Variants in APOB observed in about 807,000 individuals in gnomAD.
APOB encodes the protein apolipoprotein B-100.
A neutral mutation model predicts 314.1 loss-of-function variants in APOB; 153 were observed. The observed-to-expected ratio is 0.49, with a 90% CI of 0.43 to 0.56. The LOEUF (loss-of-function observed/expected upper bound fraction) is 0.56. Among genes scored for constraint, APOB ranks in the 20% least tolerant of loss-of-function variants. APOB has a pLI of 0.00. For synonymous variants in APOB, 2,087 were observed against 2,036.4 expected (o/e 1.02, Z -0.67); for missense variants, 5,430 against 5,350.7 (o/e 1.01, Z -0.46).
rs747371662 is a variant in APOB at position 21,007,464 on chromosome 2, A to T, written c.9404T>A (p.Met3135Lys). ...FLNIPLTIPE[M>K]RLPYTIITTP... ...TGTGATTATTGTGTAAGGTAGACGC[A>T]TTTCAGGAATTGTTAAAGGAATGTT... Residue 3135 changes from methionine to lysine, a missense_variant, in exon 26 of 29, where the codon ATG becomes AAG. Met to Lys is a moderately conservative substitution (Grantham distance 95). Around this residue, in one of 3 missense-constraint regions of APOB, gnomAD observed 3,281 missense variants for 3,171.0 expected, o/e 1.03. Transcript: ENST00000233242. 6.2e-7 allele frequency: 1 copy of T among 1,614,110 alleles called. No homozygotes were observed. The highest frequency in any genetic ancestry group is 1.1e-5 in the South Asian group (1 of 91,084).
rs745363709 is a variant in APOB, at chr2:21,009,968, T to C, written c.6900A>G (p.Gln2300=). The part of the protein sequence containing the change: ...EAIDVRVLLD[Q]LGTTISFERI... ...TTTCAAATGAAATTGTAGTTCCCAA[T>C]TGATCTAAAAGCACTCTAACATCAA... Residue 2300 remains glutamine, a synonymous_variant, in exon 26 of 29, where the codon CAA becomes CAG. Transcript: ENST00000233242. The C allele has an allele frequency of 4.8e-5, 77 of 1,613,718 alleles. No individual in the cohort carries two copies. The highest frequency in any genetic ancestry group is 6.0e-5 in the Non-Finnish European group (71 of 1,179,902).
rs1389515931 is a variant in APOB at position 21,005,718 on chromosome 2, T to C, written c.11150A>G (p.Tyr3717Cys). 1 of 1,613,854 alleles carries C rather than the reference T, an allele frequency of 6.2e-7. No individual in the cohort carries two copies. Among genetic ancestry groups the C allele is most frequent in the African/African-American group, 1.3e-5 (1 of 74,924 alleles). Reference protein sequence around the residue: ...AFVYTKNPNGYSFSIPVKVLA... With the variant: ...AFVYTKNPNGCSFSIPVKVLA... ...AACTTTTACAGGGATGGAGAATGAA[T>C]AGCCATTGGGGTTTTTGGTGTACAC... Residue 3717 changes from tyrosine to cysteine, a missense_variant, in exon 26 of 29, where the codon TAT becomes TGT. This residue lies in a region of APOB where 3,281 missense variants were observed against 3,171.0 expected (regional missense o/e 1.03). Coordinates refer to ENST00000233242, the MANE Select transcript of APOB (RefSeq NM_000384.3).
rs919890372 is a variant in APOB, at chr2:21,017,534, A to G, written c.3122-885T>C. 2.0e-5 allele frequency among the ~76,000 whole-genome samples: 3 copies of G among 152,200 alleles called. No individual in the cohort carries two copies. The East Asian group carries it at 5.8e-4, about 29-fold the overall frequency. ...CTGAGTTCTGGGAGGAGCACATTCC[A>G]GGCAGAAGGTCAGGAATGCAAAGGC... On this transcript the variant is annotated intron_variant, in intron 20 of 28. Coordinates refer to ENST00000233242, the MANE Select transcript of APOB (RefSeq NM_000384.3).
At chr2:21,031,754 G>A (rs528040946) in intron 10 of APOB, among the ~76,000 whole-genome samples, 3 of 152,260 alleles carry the variant, frequency 2.0e-5, no homozygotes, top group African/African-American at 7.2e-5. Context: ...GGAGGCTGAG[G>A]TGGGAGGATC....
rs774114263 is a variant in APOB, at chr2:21,038,105, C to T, written c.390G>A (p.Glu130=). 2 of 1,614,016 alleles carry T rather than the reference C, an allele frequency of 1.2e-6. No homozygotes were observed. Among genetic ancestry groups the T allele is most frequent in the Non-Finnish European group, 1.7e-6 (2 of 1,180,028 alleles). The change falls in exon 5 of 29, where the codon GAG becomes GAA. Residue 130 remains glutamate, a synonymous_variant. Transcript: ENST00000233242. The part of the protein sequence containing the change: ...EEFAAAMSRY[E]LKLAIPEGKQ... ...TCCCTTCTGGAATGGCCAGCTTGAG[C>T]TCATACCTGTCCCAGAGAGAGGATG...
chr2:21,022,795 T>C (rs1343809325), intron 18 of APOB, 36 bp downstream of exon 18: 1 of 1,605,964 alleles, frequency 6.2e-7, no homozygotes, highest in Non-Finnish European at 8.5e-7. Context: ...GTTCTCTCTT[T>C]CAAACTGGCT....
Position 21,011,987 on chromosome 2 carries a change from A to C in APOB, c.4881T>G (p.Asn1627Lys), listed in dbSNP as rs760365614. The change falls in exon 26 of 29, where the codon AAT becomes AAG. Residue 1627 changes from asparagine (N) to lysine (K), a missense_variant. Physicochemically the swap from Asn to Lys is moderately conservative, Grantham distance 94. Coordinates refer to ENST00000233242, the MANE Select transcript of APOB (RefSeq NM_000384.3). ...GSLNSHGLELNADILGTDKIN... is the reference protein window; with the variant it reads ...GSLNSHGLELKADILGTDKIN... Reference sequence around the variant, plus strand: ...TTTTGTCAGTGCCTAAGATGTCAGCATTTAACTCAAGACCATGGGAATTTA... The same window carrying C: ...TTTTGTCAGTGCCTAAGATGTCAGCCTTTAACTCAAGACCATGGGAATTTA... The C allele has an allele frequency of 2.5e-6, 4 of 1,614,180 alleles. No individual in the cohort carries two copies. The highest frequency in any genetic ancestry group is 2.5e-6 in the Non-Finnish European group (3 of 1,180,032).
rs1316230309 is a variant in APOB, at chr2:21,016,495, G to A, written c.3276C>T (p.Leu1092=). 1.2e-6 allele frequency: 2 copies of A among 1,611,372 alleles called. No individual in the cohort carries two copies. Among genetic ancestry groups the A allele is most frequent in the Non-Finnish European group, 1.7e-6 (2 of 1,177,498 alleles). Residue 1092 remains leucine, a synonymous_variant, in exon 21 of 29, where the codon CTC becomes CTT. Coordinates refer to ENST00000233242, the MANE Select transcript of APOB (RefSeq NM_000384.3). ...ESTEGKTSYR[L]TLDIQNKKIT... is the part of the protein sequence containing the mutation. ...TTTTCTTGTTCTGAATGTCCAGGGTGAGTCTGTAAGACGTTTTGCCCTCAG... is the reference window on the plus strand; with the variant it reads ...TTTTCTTGTTCTGAATGTCCAGGGTAAGTCTGTAAGACGTTTTGCCCTCAG...
chr2:21,012,193 C>G lies in APOB; in HGVS notation c.4675G>C (p.Ala1559Pro). Residue 1559 changes from alanine to proline, a missense_variant, in exon 26 of 29, where the codon GCT becomes CCT. Transcript: ENST00000233242. ...TCGTAGTTCTCATACTTTAGGGAAG[C>G]AGTATTTTTAATGATGCCACTTTGC... ...DLQSGIIKNTASLKYENYELT... is the reference protein window; with the variant it reads ...DLQSGIIKNTPSLKYENYELT... 6.2e-7 allele frequency: 1 copy of G among 1,602,010 alleles called. No individual in the cohort carries two copies. The highest frequency in any genetic ancestry group is 8.5e-7 in the Non-Finnish European group (1 of 1,173,152).
intron 12 of APOB, among the ~76,000 whole-genome samples, chr2:21,028,886 AG>A (rs1663808358): frequency 6.6e-6 from 1 of 152,158 alleles, no homozygotes; most frequent in East Asian, 1.9e-4. Flanking sequence ...GGGTAGTAAG[AG>A]TTTGGGGCTA....
intron 19 of APOB, 49 bp from the exon 20 acceptor site, chr2:21,019,162 A>G: frequency 6.2e-7 from 1 of 1,612,422 alleles, no homozygotes; most frequent in African/African-American, 1.3e-5. Flanking sequence ...GCTTTCAAGG[A>G]TGGTGATTAT....
In APOB at chr2:21,028,411, G is replaced by T; in HGVS notation, c.1745C>A (p.Pro582Gln). ...ADINKIVQIL[P>Q]WEQNEQVKNF... ...CTTCACTTGCTCATTCTGTTCCCAT[G>T]GTAGAATTTGGACAATTTTGTTAAT... Residue 582 changes from proline (P) to glutamine (Q), a missense_variant, in exon 13 of 29, where the codon CCA becomes CAA. By Grantham distance (76) the Pro-to-Gln change is moderately conservative. Around this residue, in one of 3 missense-constraint regions of APOB, gnomAD observed 2,085 missense variants for 2,079.7 expected, o/e 1.00. Transcript: ENST00000233242. The T allele has an allele frequency of 6.2e-7, 1 of 1,614,086 alleles. No homozygotes were observed. Among genetic ancestry groups the T allele is most frequent in the Middle Eastern group, 1.6e-4 (1 of 6,062 alleles).
Position 21,009,045 on chromosome 2 carries a change from T to C in APOB, c.7823A>G (p.Gln2608Arg), listed in dbSNP as rs767180578. ...ATCAGGTGTCTGGAAGGTAGCTTTC[T>C]GAAGAGCCTGAAGACTGACTTCAAA... ...PAFEVSLQAL[Q>R]KATFQTPDFI... Residue 2608 changes from glutamine to arginine, a missense_variant, in exon 26 of 29, where the codon CAG (glutamine) becomes CGG (arginine). By Grantham distance (43) the Gln-to-Arg change is conservative (BLOSUM62 1). This residue lies in a region of APOB where 3,281 missense variants were observed against 3,171.0 expected (regional missense o/e 1.03). Coordinates refer to ENST00000233242, the MANE Select transcript of APOB (RefSeq NM_000384.3). The C allele has an allele frequency of 1.2e-6, 2 of 1,613,992 alleles. No homozygotes were observed. Among genetic ancestry groups the C allele is most frequent in the Non-Finnish European group, 1.7e-6 (2 of 1,179,962 alleles).
At position 21,005,438 on chromosome 2, in the gene APOB, A is replaced by G. The variant is rs762284780; in HGVS notation, c.11430T>C (p.Phe3810=). Residue 3810 remains phenylalanine (F), a synonymous_variant, in exon 26 of 29, where the codon TTT becomes TTC. Coordinates refer to ENST00000233242, the MANE Select transcript of APOB (RefSeq NM_000384.3). ...YSQPEDSLIP[F]FEITVPESQL... is the part of the protein sequence containing the mutation. Reference sequence around the variant, plus strand: ...GAGATTCAGGCACGGTTATCTCAAAAAAGGGAATCAAGGAGTCTTCTGGTT... The same window carrying G: ...GAGATTCAGGCACGGTTATCTCAAAGAAGGGAATCAAGGAGTCTTCTGGTT... 6.2e-7 allele frequency: 1 copy of G among 1,614,142 alleles called. No individual in the cohort carries two copies. Among genetic ancestry groups the G allele is most frequent in the South Asian group, 1.1e-5 (1 of 91,086 alleles).
chr2:21,033,572 CT>C (rs1663932922), intron 8 of APOB, 54 bp from the exon 9 acceptor site: 1 of 1,454,452 alleles, frequency 6.9e-7, no homozygotes, highest in Non-Finnish European at 9.7e-7. Context: ...TCAACCATAT[CT>C]TTGTCTACTG....
At position 21,010,776 on chromosome 2, in the gene APOB, C is replaced by G. The variant is rs776946940; in HGVS notation, c.6092G>C (p.Ser2031Thr). The change falls in exon 26 of 29, where the codon AGT becomes ACT. Residue 2031 changes from serine (S) to threonine (T), a missense_variant. By Grantham distance (58) the Ser-to-Thr change is moderately conservative. Around this residue, in one of 3 missense-constraint regions of APOB, gnomAD observed 3,281 missense variants for 3,171.0 expected, o/e 1.03. Coordinates refer to ENST00000233242, the MANE Select transcript of APOB (RefSeq NM_000384.3). Reference protein sequence around the residue: ...DSPIKVPLLLSEPINIIDALE... With the variant: ...DSPIKVPLLLTEPINIIDALE... ...AGCATCAATGATATTGATGGGCTCA[C>G]TGAGTAAAAGTGGCACTTTAATTGG... 6.2e-6 allele frequency: 10 copies of G among 1,614,132 alleles called. No individual in the cohort carries two copies. The highest frequency in any genetic ancestry group is 7.6e-6 in the Non-Finnish European group (9 of 1,180,018).
rs760156681 is a variant in APOB at position 21,008,339 on chromosome 2, C to A, written c.8529G>T (p.Met2843Ile). 2 of 1,613,158 alleles carry A rather than the reference C, an allele frequency of 1.2e-6. No individual in the cohort carries two copies. The highest frequency in any genetic ancestry group is 2.7e-5 in the African/African-American group (2 of 74,852). The change falls in exon 26 of 29, where the codon ATG becomes ATT. Residue 2843 changes from methionine (M) to isoleucine (I), a missense_variant. Around this residue, in one of 3 missense-constraint regions of APOB, gnomAD observed 3,281 missense variants for 3,171.0 expected, o/e 1.03. Coordinates refer to ENST00000233242, the MANE Select transcript of APOB (RefSeq NM_000384.3). ...CCTCAATAGCATTTCCAAAAAACAG[C>A]ATTTCACTCCCATGCTCCGTTCTCA... Reference protein sequence around the residue: ...KYLRTEHGSEMLFFGNAIEGK... With the variant: ...KYLRTEHGSEILFFGNAIEGK...
chr2:21,043,670 AC>A (rs1558269879), intron 1 of APOB, 119 bp from the exon 2 acceptor site: 2 of 1,501,458 alleles, frequency 1.3e-6, no homozygotes, highest in African/African-American at 2.8e-5. Context: ...GGCTCCGGAG[AC>A]CCCCTCCTCA....
chr2:21,023,593 A>T lies in APOB; in HGVS notation c.2536T>A (p.Leu846Met), dbSNP rs189880634. The T allele has an allele frequency of 2.5e-5, 41 of 1,614,226 alleles. No homozygotes were observed. Among genetic ancestry groups the T allele is most frequent in the Non-Finnish European group, 3.2e-5 (38 of 1,180,022 alleles). Residue 846 changes from leucine to methionine, a missense_variant, in exon 17 of 29, where the codon TTG becomes ATG. By Grantham distance (15) the Leu-to-Met change is conservative (BLOSUM62 2). This residue lies in a region of APOB where 2,085 missense variants were observed against 2,079.7 expected (regional missense o/e 1.00). Transcript: ENST00000233242. ...ATGACTCCAGATGAAGATATTTGCA[A>T]CTGTAATCCAGCTCCAGTGGGGAGT... ...FELPTGAGLQ[L>M]QISSSGVIAP...
Sources: allele counts gnomAD v4.1 joint callset (sites outside exome capture counted in the v4.1 genomes callset), GRCh38; gene constraint gnomAD v4.1.1; regional missense constraint gnomAD v4.1.1; transcripts MANE v1.5; gene names NCBI Gene and HGNC (gene_info 2026-07-23, HGNC 2026-07-21).